Variants in POU2F1 observed in about 807,000 individuals in gnomAD.
POU2F1 encodes the protein POU class 2 homeobox 1, also known as POU domain, class 2, transcription factor 1.
POU2F1 carries 16 observed loss-of-function variants against 84.9 expected under a neutral mutation model. The observed-to-expected ratio is 0.19, with a 90% CI of 0.13 to 0.29. The LOEUF is 0.29. Ranked by LOEUF, POU2F1 falls within the 10% of genes least tolerant of loss-of-function variation. The probability of loss-of-function intolerance (pLI) is 1.00; values close to 1 mark genes in which losing one functional copy is unlikely to be tolerated. For synonymous variants in POU2F1, 368 were observed against 368.3 expected, an observed-to-expected ratio of 1.00 and a Z score of 0.01; for missense variants, 738 against 942.6, an observed-to-expected ratio of 0.78 and a Z score of 2.84.
At chr1:167,274,835 A>C (rs931800938) in intron 1 of POU2F1, among the ~76,000 whole-genome samples, 5 of 152,142 alleles carry the variant, frequency 3.3e-5, no homozygotes, top group Admixed American at 1.3e-4. Context: ...GCCTTTCATT[A>C]ATGACAGCAT....
chr1:167,315,098 G>T (rs1365227481), intron 1 of POU2F1, among the ~76,000 whole-genome samples: 1 of 152,164 alleles, frequency 6.6e-6, no homozygotes, highest in Non-Finnish European at 1.5e-5. Flanking sequence ...CCCAAAAGCA[G>T]ATGCTGCTAT....
At chr1:167,285,716 C>G (rs956343500) in intron 1 of POU2F1, among the ~76,000 whole-genome samples, 1 of 152,148 alleles carries the variant, frequency 6.6e-6, no homozygotes, top group African/African-American at 2.4e-5. Context: ...CTGCCGTATC[C>G]TGGGCTAGTG....
chr1:167,410,551 C>T (rs114051111), intron 13 of POU2F1, among the ~76,000 whole-genome samples: 1,958 of 151,468 alleles, frequency 0.013, 40 homozygotes, highest in African/African-American at 0.043. Context: ...AGTCTTACTT[C>T]GTCACCCAGA....
At chr1:167,227,670 A>G (rs757362232) in intron 1 of POU2F1, among the ~76,000 whole-genome samples, 15 of 152,314 alleles carry the variant, frequency 9.8e-5, no homozygotes, top group East Asian at 9.6e-4. Flanking sequence ...GGTATCTGCT[A>G]TGTACCTGGT....
intron 1 of POU2F1, among the ~76,000 whole-genome samples, chr1:167,237,746 G>GTGTATATATATATA (rs1478366181): frequency 1.4e-5 from 1 of 72,986 alleles, no homozygotes; most frequent in African/African-American, 5.4e-5. Flanking sequence ...ATGTGTGTGT[G>GTGTATATATATATA]TATATATATA....
At chr1:167,353,508 C>G (rs929299943) in intron 2 of POU2F1, among the ~76,000 whole-genome samples, 1 of 152,100 alleles carries the variant, frequency 6.6e-6, no homozygotes, top group Non-Finnish European at 1.5e-5. Context: ...CTCTTTCAGT[C>G]TTTTAAGTTT....
intron 13 of POU2F1, among the ~76,000 whole-genome samples, chr1:167,404,018 T>C (rs1317417662): frequency 1.3e-5 from 2 of 152,182 alleles, no homozygotes; most frequent in Non-Finnish European, 2.9e-5. Flanking sequence ...TTTTCCTTGT[T>C]TTTTCTCTCT....
At chr1:167,345,988 C>T (rs1241032689) in intron 2 of POU2F1, among the ~76,000 whole-genome samples, 3 of 136,282 alleles carry the variant, frequency 2.2e-5, no homozygotes, top group East Asian at 2.2e-4. Flanking sequence ...TAGTGAGACC[C>T]GCATGTCTAC....
chr1:167,406,902 G>A (rs1649615325), intron 13 of POU2F1, among the ~76,000 whole-genome samples: 1 of 151,942 alleles, frequency 6.6e-6, no homozygotes, highest in South Asian at 2.1e-4. Flanking sequence ...TTCATGTTTT[G>A]GAAGACTAAG....
At chr1:167,320,959 T>C (rs1281694125) in intron 1 of POU2F1, among the ~76,000 whole-genome samples, 1 of 152,210 alleles carries the variant, frequency 6.6e-6, no homozygotes, top group Non-Finnish European at 1.5e-5. Context: ...TTGAAAGTCA[T>C]TTAATGTTTT....
At chr1:167,281,743 TA>T (rs1653156996) in intron 1 of POU2F1, among the ~76,000 whole-genome samples, 1 of 152,244 alleles carries the variant, frequency 6.6e-6, no homozygotes, top group South Asian at 2.1e-4. Flanking sequence ...TAGCCAAACT[TA>T]AAATACGTAA....
At chr1:167,335,697 C>T (rs1482058583) in intron 2 of POU2F1, among the ~76,000 whole-genome samples, 3 of 152,142 alleles carry the variant, frequency 2.0e-5, no homozygotes, top group African/African-American at 7.2e-5. Flanking sequence ...GCAGCAGCTA[C>T]TGTTCTTTGA....
At chr1:167,329,348 G>A (rs1656926103) in intron 1 of POU2F1, 1 of 1,537,122 alleles carries the variant, frequency 6.5e-7, no homozygotes, top group Non-Finnish European at 8.8e-7. Context: ...CTTTAATATG[G>A]AAATAGAGTG....
At chr1:167,351,839 CCTT>C (rs968942163) in intron 2 of POU2F1, among the ~76,000 whole-genome samples, 1 of 152,128 alleles carries the variant, frequency 6.6e-6, no homozygotes, top group Non-Finnish European at 1.5e-5. Context: ...CTTCTTTTCT[CCTT>C]CTTTCCCTAA....
intron 1 of POU2F1, among the ~76,000 whole-genome samples, chr1:167,276,533 C>T (rs1197332930): frequency 6.6e-6 from 1 of 152,032 alleles, no homozygotes; most frequent in Non-Finnish European, 1.5e-5. Flanking sequence ...AATGTGCCCC[C>T]CACAGATAAG....
At chr1:167,284,361 G>C (rs1653372030) in intron 1 of POU2F1, among the ~76,000 whole-genome samples, 1 of 152,288 alleles carries the variant, frequency 6.6e-6, no homozygotes, top group South Asian at 2.1e-4. Flanking sequence ...CTGGTGCTCT[G>C]ATAGACCATG....
At chr1:167,345,688 T>C (rs141771703) in intron 2 of POU2F1, among the ~76,000 whole-genome samples, 1 of 152,326 alleles carries the variant, frequency 6.6e-6, no homozygotes, top group Non-Finnish European at 1.5e-5. Context: ...GCAAGGTCAA[T>C]GTTTGGTAAT....
intron 2 of POU2F1, among the ~76,000 whole-genome samples, chr1:167,341,552 G>T (rs1256374998): frequency 6.6e-6 from 1 of 152,016 alleles, no homozygotes; most frequent in Non-Finnish European, 1.5e-5. Context: ...TCATATGTTT[G>T]GCTGCCCACA....
intron 9 of POU2F1, among the ~76,000 whole-genome samples, chr1:167,394,547 C>T (rs1648666502): frequency 6.6e-6 from 1 of 152,146 alleles, no homozygotes; most frequent in South Asian, 2.1e-4. Flanking sequence ...ATGGGGTGTT[C>T]TGTACATTGG....
Sources: gnomAD v4.1 joint callset for allele counts (sites outside exome capture counted in the v4.1 genomes callset) on GRCh38, gnomAD v4.1.1 for gene constraint, MANE v1.5 for transcripts, NCBI Gene and HGNC (gene_info 2026-07-23, HGNC 2026-07-21) for gene names.